RSF1: variants seen among roughly 807,000 people sequenced by gnomAD.
The protein encoded by RSF1 is remodeling and spacing factor 1.
A neutral mutation model predicts 145.2 loss-of-function variants in RSF1; 13 were observed. That is an observed-to-expected ratio of 0.09 (90% CI 0.06 to 0.14). RSF1 has a LOEUF of 0.14. Among genes scored for constraint, RSF1 ranks in the 10% least tolerant of loss-of-function variants. The probability of loss-of-function intolerance (pLI) is 1.00; values close to 1 mark genes in which losing one functional copy is unlikely to be tolerated. For missense variants in RSF1, 1,517 were observed against 1,718.2 expected (o/e 0.88, Z 2.07); for synonymous variants, 577 against 592.6 (o/e 0.97, Z 0.38).
chr11:77,863,452 C>T, the RSF1 span, among the ~76,000 whole-genome samples: 2 of 152,182 alleles, frequency 1.3e-5, no homozygotes, highest in South Asian at 4.1e-4. Context: ...AGCTCCCATA[C>T]AAAGGGAGGG....
chr11:77,672,688 T>C (rs1159824035), intron 14 of RSF1, among the ~76,000 whole-genome samples: 1 of 151,218 alleles, frequency 6.6e-6, no homozygotes, highest in African/African-American at 2.4e-5. Flanking sequence ...TCCTTTTTAG[T>C]TTGTTTGTTT....
intron 1 of RSF1, among the ~76,000 whole-genome samples, chr11:77,802,979 A>G (rs778314380): frequency 2.6e-5 from 4 of 152,210 alleles, no homozygotes; most frequent in African/African-American, 7.2e-5. Flanking sequence ...CAAACAAACA[A>G]AAACCTAGCA....
At chr11:77,813,676 T>G (rs58914857) in intron 1 of RSF1, 65,905 of 515,380 alleles carry the variant, frequency 0.13, 4,798 homozygotes, top group Admixed American at 0.22. Flanking sequence ...TTCAAAGCCA[T>G]AGCTGCTGCA....
intron 1 of RSF1, among the ~76,000 whole-genome samples, chr11:77,793,881 G>T (rs1379383411): frequency 6.6e-6 from 1 of 151,952 alleles, no homozygotes; most frequent in Admixed American, 6.6e-5. Context: ...AAGCTCTCAG[G>T]GGTAGCTATA....
intron 5 of RSF1, among the ~76,000 whole-genome samples, chr11:77,715,105 T>A (rs557673667): frequency 6.6e-6 from 1 of 152,160 alleles, no homozygotes; most frequent in Non-Finnish European, 1.5e-5. Context: ...TCCTGGGCAA[T>A]TGAGCAAGAC....
intron 2 of RSF1, among the ~76,000 whole-genome samples, chr11:77,757,488 G>A (rs1330298437): frequency 6.6e-6 from 1 of 152,088 alleles, no homozygotes; most frequent in East Asian, 1.9e-4. Context: ...GACCATCCTG[G>A]CCAACATGGT....
At chr11:77,740,579 G>A in intron 4 of RSF1, 152 bp downstream of exon 4, 1 of 631,222 alleles carries the variant, frequency 1.6e-6, no homozygotes, top group Non-Finnish European at 2.8e-6. Context: ...GCATACTATG[G>A]GTATTACGCT....
intron 3 of RSF1, 64 bp from the exon 4 acceptor site, chr11:77,741,000 G>A: frequency 8.4e-7 from 1 of 1,185,174 alleles, no homozygotes; most frequent in African/African-American, 1.5e-5. Context: ...CAGTAAATAT[G>A]ATACAACCGT....
chr11:77,706,219 G>C (rs548532531), intron 5 of RSF1, among the ~76,000 whole-genome samples: 1 of 136,308 alleles, frequency 7.3e-6, no homozygotes. Context: ...CCAGCCTGGC[G>C]ACAGAGTGAG....
At chr11:77,686,408 C>CAAAAAAAAAAAAAAAAAAAAAAACAA (rs564410248) in intron 9 of RSF1, among the ~76,000 whole-genome samples, 1 of 37,132 alleles carries the variant, frequency 2.7e-5, no homozygotes, top group Non-Finnish European at 4.7e-5. Flanking sequence ...GACCCTGTCT[C>CAAAAAAAAAAAAAAAAAAAAAAACAA]AAAAAAAAAA....
chr11:77,698,817 T>A (rs1334261986), intron 6 of RSF1, 124 bp from the exon 7 acceptor site: 1 of 744,674 alleles, frequency 1.3e-6, no homozygotes, highest in Non-Finnish European at 2.2e-6. Context: ...AGAAAATTAT[T>A]ATAGTCTCAT....
intron 2 of RSF1, among the ~76,000 whole-genome samples, chr11:77,752,827 C>T (rs1340881420): frequency 6.6e-6 from 1 of 152,080 alleles, no homozygotes; most frequent in Non-Finnish European, 1.5e-5. Flanking sequence ...AGGAAGTCGG[C>T]ACAAGATAAA....
In RSF1 at chr11:77,665,628, A is replaced by G. The variant is rs1161321126; in HGVS notation, c.*1289T>C. On this transcript the variant is annotated 3_prime_UTR_variant, in exon 16 of 16. Transcript: ENST00000308488. ...AATGGATGTCATGCCTATTAATTAC[A>G]TCGGCAGTTCTCATTCAACTCTATG... The G allele has an allele frequency of 6.6e-6, 1 of 152,242 alleles. No homozygotes were observed. Among genetic ancestry groups the G allele is most frequent in the East Asian group, 1.9e-4 (1 of 5,204 alleles). The allele number at this position is 152,242 out of a possible 1,614,324, so 9.4% of individuals were successfully genotyped here. A position where few individuals can be genotyped will look rare whatever the true frequency, so the allele number is the denominator to read the frequency against.
chr11:77,860,417 C>G, the RSF1 span, among the ~76,000 whole-genome samples: 1 of 152,182 alleles, frequency 6.6e-6, no homozygotes, highest in African/African-American at 2.4e-5. Flanking sequence ...TCACTGAGGG[C>G]CCTGGTGCCT....
rs573148187 is a variant in RSF1, at chr11:77,705,346, G to A, written c.734-2851C>T. Reference sequence around the variant, plus strand: ...CAGCATCACATTTCTTCACAAATGAGGTGACTCAAGAGAAGTGGTAGCTAC... The same window carrying A: ...CAGCATCACATTTCTTCACAAATGAAGTGACTCAAGAGAAGTGGTAGCTAC... On this transcript the variant is annotated intron_variant, in intron 5 of 15. Transcript: ENST00000308488. 3.9e-5 allele frequency among the ~76,000 whole-genome samples: 6 copies of A among 152,282 alleles called. No homozygotes were observed. The East Asian group carries it at 1.2e-3, about 29-fold the overall frequency.
chr11:77,863,832 G>A, the RSF1 span, among the ~76,000 whole-genome samples: 1 of 152,000 alleles, frequency 6.6e-6, no homozygotes, highest in Non-Finnish European at 1.5e-5. Flanking sequence ...TCTCATTATT[G>A]CAGCTAATAT....
At chr11:77,841,532 C>A in the RSF1 span, among the ~76,000 whole-genome samples, 2 of 152,124 alleles carry the variant, frequency 1.3e-5, no homozygotes, top group Non-Finnish European at 2.9e-5. Flanking sequence ...CAGGGGAGTG[C>A]GTTCAAAGTC....
At chr11:77,685,027 ACATTAC>A in intron 10 of RSF1, 72 bp downstream of exon 10, 26 of 699,922 alleles carry the variant, frequency 3.7e-5, no homozygotes, top group Non-Finnish European at 5.9e-5. Flanking sequence ...AAAACCACTA[ACATTAC>A]ATAAGGTGGG....
chr11:77,808,135 A>T (rs1022960593), intron 1 of RSF1, among the ~76,000 whole-genome samples: 3 of 152,100 alleles, frequency 2.0e-5, no homozygotes, highest in Non-Finnish European at 4.4e-5. Context: ...GGAGTTCAAG[A>T]CCAGCCTGGA....
Sources: gnomAD v4.1 joint callset for allele counts (sites outside exome capture counted in the v4.1 genomes callset) on GRCh38, gnomAD v4.1.1 for gene constraint, MANE v1.5 for transcripts, NCBI Gene and HGNC (gene_info 2026-07-23, HGNC 2026-07-21) for gene names.